The following AKAP6 variants were observed in gnomAD, a reference collection of about 807,000 sequenced individuals.
AKAP6 encodes A-kinase anchor protein 6.
In AKAP6, 58 loss-of-function variants were observed where a neutral mutation model predicts 188.5. That is an observed-to-expected ratio of 0.31 (90% confidence interval 0.25 to 0.38). AKAP6 has a LOEUF of 0.38. Among genes scored for constraint, AKAP6 ranks in the 10% least tolerant of loss-of-function variants. The pLI, the probability that AKAP6 is intolerant of heterozygous loss-of-function variation, is 1.00. For missense variants in AKAP6, 2,710 were observed against 2,740.0 expected, an observed-to-expected ratio of 0.99 and a Z score of 0.24; for synonymous variants, 989 against 998.6, an observed-to-expected ratio of 0.99 and a Z score of 0.18.
intron 1 of AKAP6, among the ~76,000 whole-genome samples, chr14:32,377,073 A>G (rs1266315042): frequency 6.6e-6 from 1 of 152,174 alleles, no homozygotes; most frequent in African/African-American, 2.4e-5. Context: ...CATTTTGGTT[A>G]TTTCTGTCAT....
chr14:32,791,761 G>C (rs559083867), intron 12 of AKAP6, among the ~76,000 whole-genome samples: 2 of 152,182 alleles, frequency 1.3e-5, no homozygotes, highest in South Asian at 2.1e-4. Context: ...TTGGTTTTGT[G>C]TTTAAGCCTT....
intron 2 of AKAP6, among the ~76,000 whole-genome samples, chr14:32,521,085 C>G (rs964417288): frequency 2.0e-5 from 3 of 151,896 alleles, no homozygotes; most frequent in Non-Finnish European, 4.4e-5. Context: ...ACCACAGAAA[C>G]CACATGATTA....
At chr14:32,345,622 G>T (rs887113953) in intron 1 of AKAP6, among the ~76,000 whole-genome samples, 10 of 152,186 alleles carry the variant, frequency 6.6e-5, no homozygotes, top group Non-Finnish European at 1.5e-5. Flanking sequence ...AAGAAAGGTG[G>T]AGTCAGCCAC....
At chr14:32,733,730 A>T (rs2031290590) in intron 10 of AKAP6, 1 of 152,182 alleles carries the variant, frequency 6.6e-6, no homozygotes, top group Non-Finnish European at 1.5e-5. Flanking sequence ...TTTAATAATA[A>T]TTAATGGCTT....
chr14:32,532,125 G>T (rs978707104), intron 2 of AKAP6, among the ~76,000 whole-genome samples: 4 of 152,194 alleles, frequency 2.6e-5, no homozygotes, highest in African/African-American at 9.7e-5. Flanking sequence ...AGTTCCAGTT[G>T]TTCTAGAAGT....
At position 32,360,622 on chromosome 14, in the gene AKAP6, G is replaced by A. The variant is rs145630613; in HGVS notation, c.-35+31214G>A. On this transcript the variant is annotated intron_variant, in intron 1 of 13. Transcript: ENST00000280979. The stretch of plus-strand genomic sequence containing the variant: ...ATCGTTTATATCAGTATAGGCTCAC[G>A]GATATTTATTTTATTCTTGAATTAT... 6.1e-4 allele frequency among the ~76,000 whole-genome samples: 93 copies of A among 151,440 alleles called. No homozygotes were observed. The East Asian group carries it at 0.017, about 28-fold the overall frequency.
At chr14:32,583,577 G>A (rs1885083793) in intron 5 of AKAP6, among the ~76,000 whole-genome samples, 1 of 152,234 alleles carries the variant, frequency 6.6e-6, no homozygotes, top group Admixed American at 6.5e-5. Flanking sequence ...TGCCCCCAGA[G>A]GTGGAGCCTA....
At chr14:32,820,980 T>C (rs910311257) in intron 12 of AKAP6, among the ~76,000 whole-genome samples, 14 of 144,234 alleles carry the variant, frequency 9.7e-5, no homozygotes, top group Non-Finnish European at 6.0e-5. Flanking sequence ...TGGCTGCAGA[T>C]AGTATTCTAC....
chr14:32,582,195 G>A (rs1885005728), intron 5 of AKAP6, among the ~76,000 whole-genome samples: 2 of 152,030 alleles, frequency 1.3e-5, no homozygotes, highest in South Asian at 2.1e-4. Context: ...GCCTGGTGGT[G>A]ACAAAATCTC....
chr14:32,621,438 A>C (rs1886811831), intron 7 of AKAP6, among the ~76,000 whole-genome samples: 1 of 152,136 alleles, frequency 6.6e-6, no homozygotes, highest in Admixed American at 6.6e-5. Flanking sequence ...TAACCCAAAA[A>C]TCATTCAAGA....
chr14:32,445,516 G>A (rs750996205), intron 2 of AKAP6, among the ~76,000 whole-genome samples: 35 of 152,210 alleles, frequency 2.3e-4, no homozygotes, highest in South Asian at 6.2e-4. Context: ...GGGACTACAG[G>A]CATGTGACAC....
chr14:32,566,583 ACT>A (rs1398223275), intron 4 of AKAP6, among the ~76,000 whole-genome samples: 1 of 152,098 alleles, frequency 6.6e-6, no homozygotes, highest in Non-Finnish European at 1.5e-5. Context: ...TACATAGTAA[ACT>A]CTCAATAAAT....
At position 32,832,506 on chromosome 14, in the gene AKAP6, T is replaced by G. The variant is rs905863832; in HGVS notation, c.*2701T>G. On this transcript the variant is annotated 3_prime_UTR_variant, in exon 14 of 14. Transcript: ENST00000280979. ...TAACACTAAATTTGTAGAATGACTT[T>G]CAGGTTTGTTGAACAATGCCTTTTC... is the stretch of plus-strand genomic sequence containing the variant. 1 of 152,212 alleles carries G rather than the reference T, an allele frequency of 6.6e-6. No homozygotes were observed. The highest frequency in any genetic ancestry group is 2.4e-5 in the African/African-American group (1 of 41,456). 9.4% of individuals were successfully genotyped at this position (152,212 alleles called of 1,614,324 possible).
chr14:32,475,692 T>TG (rs1879029094), intron 2 of AKAP6, among the ~76,000 whole-genome samples: 1 of 151,106 alleles, frequency 6.6e-6, no homozygotes, highest in Non-Finnish European at 1.5e-5. Flanking sequence ...TTTTTTTTTT[T>TG]TTTTGAGACG....
rs374344026 is a variant in AKAP6 at position 32,746,797 on chromosome 14, G to A, written c.3372+10915G>A. Among the ~76,000 whole-genome samples the A allele has an allele frequency of 5.3e-5, 8 of 152,278 alleles. No homozygotes were observed. The East Asian group carries it at 7.7e-4, about 15-fold the overall frequency. ...TAGACTCAAAAGTCCCTAGGTCAAA[G>A]ATCTGTTACTTGAAAGAGAAAAGCA... On this transcript the variant is annotated intron_variant, in intron 11 of 13. Transcript: ENST00000280979.
chr14:32,729,325 T>C (rs2031055545), intron 9 of AKAP6, among the ~76,000 whole-genome samples: 1 of 152,128 alleles, frequency 6.6e-6, no homozygotes, highest in South Asian at 2.1e-4. Context: ...TTAGCGTAAC[T>C]GTCAAAAAAG....
At chr14:32,564,621 G>A (rs1488759888) in intron 4 of AKAP6, among the ~76,000 whole-genome samples, 1 of 152,194 alleles carries the variant, frequency 6.6e-6, no homozygotes, top group East Asian at 1.9e-4. Context: ...TGGAAGAGGG[G>A]CAAGTTGTCT....
At chr14:32,491,355 C>G (rs1218713034) in intron 2 of AKAP6, among the ~76,000 whole-genome samples, 4 of 152,180 alleles carry the variant, frequency 2.6e-5, no homozygotes, top group Non-Finnish European at 4.4e-5. Flanking sequence ...TATAATTTGT[C>G]TGAGTTATTG....
intron 9 of AKAP6, among the ~76,000 whole-genome samples, chr14:32,711,868 G>A (rs569549784): frequency 6.6e-6 from 1 of 151,886 alleles, no homozygotes; most frequent in South Asian, 2.1e-4. Context: ...ATCCTCTCAG[G>A]CCTCATTTTC....
Sources: gnomAD v4.1 joint callset for allele counts (sites outside exome capture counted in the v4.1 genomes callset) on GRCh38, gnomAD v4.1.1 for gene constraint, MANE v1.5 for transcripts, NCBI Gene and HGNC (gene_info 2026-07-23, HGNC 2026-07-21) for gene names.